Variants in PTPRD observed in about 807,000 individuals in gnomAD.
The protein encoded by PTPRD is receptor-type tyrosine-protein phosphatase delta.
Under a neutral mutation model 214.5 loss-of-function variants are expected in PTPRD, and 34 were observed. The ratio of observed to expected loss-of-function variants is 0.16; its 90% CI spans 0.12 to 0.21. The LOEUF (loss-of-function observed/expected upper bound fraction) is 0.21, where lower values mean the gene tolerates loss of function less well. Ranked by LOEUF, PTPRD falls within the 10% of genes least tolerant of loss-of-function variation. PTPRD has a pLI of 1.00. For missense variants in PTPRD, 2,545 were observed against 2,398.7 expected (o/e 1.06, Z -1.27); for synonymous variants, 1,128 against 845.7 (o/e 1.33, Z -5.79).
chr9:9,845,268 T>C (rs1355771383), intron 5 of PTPRD, among the ~76,000 whole-genome samples: 4 of 143,562 alleles, frequency 2.8e-5, no homozygotes, highest in Non-Finnish European at 6.2e-5. Context: ...AGAAACCTAT[T>C]TCAGTATTTT....
At chr9:9,364,298 G>C (rs2057221801) in intron 9 of PTPRD, among the ~76,000 whole-genome samples, 3 of 151,396 alleles carry the variant, frequency 2.0e-5, no homozygotes, top group African/African-American at 7.3e-5. Flanking sequence ...CTGGATTACA[G>C]TAGTAAACAA....
chr9:9,663,249 T>C (rs932904060), intron 7 of PTPRD, among the ~76,000 whole-genome samples: 1 of 151,460 alleles, frequency 6.6e-6, no homozygotes, highest in African/African-American at 2.4e-5. Context: ...ATACAACTTA[T>C]TTTTAAATAG....
At chr9:8,961,524 A>G (rs1039956660) in intron 11 of PTPRD, among the ~76,000 whole-genome samples, 4 of 152,096 alleles carry the variant, frequency 2.6e-5, no homozygotes, top group African/African-American at 9.7e-5. Context: ...AACAGTGAGC[A>G]TGCCCTGTGC....
intron 9 of PTPRD, among the ~76,000 whole-genome samples, chr9:9,391,590 C>G (rs1014394066): frequency 6.6e-6 from 1 of 152,148 alleles, no homozygotes; most frequent in African/African-American, 2.4e-5. Context: ...AATCTGAATT[C>G]TGTACATGTG....
At chr9:9,240,632 T>G (rs910589313) in intron 9 of PTPRD, among the ~76,000 whole-genome samples, 8 of 152,052 alleles carry the variant, frequency 5.3e-5, no homozygotes, top group Non-Finnish European at 1.0e-4. Context: ...TTAGGCTTAT[T>G]TGATATATTA....
intron 11 of PTPRD, among the ~76,000 whole-genome samples, chr9:8,981,316 G>T (rs1409335420): frequency 1.3e-5 from 2 of 151,878 alleles, no homozygotes; most frequent in African/African-American, 4.8e-5. Flanking sequence ...AATTTAAGGG[G>T]ATGTCTACAC....
chr9:9,981,532 T>C (rs199634076), intron 4 of PTPRD, among the ~76,000 whole-genome samples: 1 of 59,488 alleles, frequency 1.7e-5, no homozygotes, highest in South Asian at 5.5e-4. Context: ...TTTTTTTTTG[T>C]ATTTTTTTTA....
chr9:9,593,758 C>T (rs962090344), intron 7 of PTPRD, among the ~76,000 whole-genome samples: 1 of 151,998 alleles, frequency 6.6e-6, no homozygotes, highest in Non-Finnish European at 1.5e-5. Context: ...TCATTTTTCA[C>T]CTGATTATTA....
chr9:9,977,507 T>A (rs538699072), intron 4 of PTPRD, among the ~76,000 whole-genome samples: 299 of 152,324 alleles, frequency 2.0e-3, no homozygotes, highest in African/African-American at 6.6e-3. Context: ...ATAAGTAGCA[T>A]GTAATTAGAC....
At chr9:8,907,533 A>ATATATAT (rs1555505760) in intron 11 of PTPRD, among the ~76,000 whole-genome samples, 19 of 118,232 alleles carry the variant, frequency 1.6e-4, no homozygotes, top group African/African-American at 5.0e-4. Context: ...AAAAAAAAAA[A>ATATATAT]ATATATATAT....
intron 7 of PTPRD, among the ~76,000 whole-genome samples, chr9:9,669,030 G>C (rs1325849097): frequency 6.6e-6 from 1 of 152,106 alleles, no homozygotes; most frequent in Middle Eastern, 3.4e-3. Flanking sequence ...GGCAACAAAG[G>C]GTAATTTTTT....
chr9:8,830,796 C>T (rs1434256), intron 11 of PTPRD, among the ~76,000 whole-genome samples: 69,838 of 151,944 alleles, frequency 0.46, 16,480 homozygotes, highest in African/African-American at 0.57. Flanking sequence ...AAAGGGCATA[C>T]GTGATGGTGA....
intron 11 of PTPRD, among the ~76,000 whole-genome samples, chr9:8,784,163 G>C (rs1320649274): frequency 2.0e-5 from 3 of 152,116 alleles, no homozygotes; most frequent in Non-Finnish European, 4.4e-5. Context: ...ATAAAATTCT[G>C]ACAAGTGGAC....
intron 3 of PTPRD, among the ~76,000 whole-genome samples, chr9:10,293,819 A>G (rs113255473): frequency 1.3e-5 from 2 of 152,100 alleles, no homozygotes; most frequent in African/African-American, 4.8e-5. Flanking sequence ...TTGCAAAGAC[A>G]CCAAGGTGAG....
chr9:10,165,125 A>G (rs924966342), intron 3 of PTPRD, among the ~76,000 whole-genome samples: 14 of 151,722 alleles, frequency 9.2e-5, no homozygotes, highest in African/African-American at 2.2e-4. Context: ...CAGTTCAGCA[A>G]TCTCGATGGA....
chr9:9,640,719 T>C (rs571659183), intron 7 of PTPRD, among the ~76,000 whole-genome samples: 148 of 152,342 alleles, frequency 9.7e-4, no homozygotes, highest in African/African-American at 3.5e-3. Context: ...CTTGATCACA[T>C]TTATGAGGCT....
chr9:9,352,361 GTGTGTGTGTGTATATA>G, intron 9 of PTPRD, among the ~76,000 whole-genome samples: 1 of 121,176 alleles, frequency 8.3e-6, no homozygotes, highest in Non-Finnish European at 1.9e-5. Context: ...GTGTATATAT[GTGTGTGTGTGTATATA>G]TATATATGTG....
At chr9:9,504,660 G>C (rs550975674) in intron 8 of PTPRD, among the ~76,000 whole-genome samples, 5 of 151,606 alleles carry the variant, frequency 3.3e-5, no homozygotes, top group African/African-American at 1.2e-4. Flanking sequence ...AGAGTAATTA[G>C]ACAAGAAAAA....
chr9:9,172,958 T>C (rs1000572106), intron 10 of PTPRD, among the ~76,000 whole-genome samples: 17 of 152,268 alleles, frequency 1.1e-4, no homozygotes, highest in African/African-American at 4.1e-4. Flanking sequence ...CTGTTCAGAA[T>C]GTTCAATGAG....
Sources: gnomAD v4.1 joint callset for allele counts (sites outside exome capture counted in the v4.1 genomes callset) on GRCh38, gnomAD v4.1.1 for gene constraint, MANE v1.5 for transcripts, NCBI Gene and HGNC (gene_info 2026-07-23, HGNC 2026-07-21) for gene names.